PLEKHA5: variants seen among roughly 807,000 people sequenced by gnomAD.
The protein encoded by PLEKHA5 is pleckstrin homology domain-containing family A member 5.
A neutral mutation model predicts 181.9 loss-of-function variants in PLEKHA5; 55 were observed. The observed-to-expected ratio is 0.30, with a 90% CI of 0.24 to 0.38. The LOEUF (loss-of-function observed/expected upper bound fraction) is 0.38, where lower values mean the gene tolerates loss of function less well. Among genes scored for constraint, PLEKHA5 ranks in the 10% least tolerant of loss-of-function variants. The probability of loss-of-function intolerance (pLI) is 1.00; values close to 1 mark genes in which losing one functional copy is unlikely to be tolerated. For synonymous variants in PLEKHA5, 535 were observed against 529.4 expected, an observed-to-expected ratio of 1.01 and a Z score of -0.15; for missense variants, 1,432 against 1,549.5, an observed-to-expected ratio of 0.92 and a Z score of 1.27.
chr12:19,213,567 A>G (rs556300608), intron 3 of PLEKHA5, among the ~76,000 whole-genome samples: 3 of 152,310 alleles, frequency 2.0e-5, no homozygotes, highest in Admixed American at 1.3e-4. Context: ...GTAGGGGAGC[A>G]GAACAGGACA....
At chr12:19,166,407 T>C (rs934507039) in intron 3 of PLEKHA5, among the ~76,000 whole-genome samples, 1 of 152,208 alleles carries the variant, frequency 6.6e-6, no homozygotes, top group African/African-American at 2.4e-5. Context: ...TCGTTATCCC[T>C]GCTTTTGCCT....
Position 19,247,388 on chromosome 12 carries a change from T to TC in PLEKHA5, c.228-6550dup, listed in dbSNP as rs1474334623. 9.2e-5 allele frequency among the ~76,000 whole-genome samples: 14 copies of TC among 152,336 alleles called. 1 individual carries two copies. Among genetic ancestry groups the TC allele is most frequent in the East Asian group, 1.9e-4 (1 of 5,184 alleles). ...TAAAAGTTCAGCATAGCCCAGGTGT[T>TC]CCAGTAGTTACCTACGTAATTCATT... On this transcript the variant is annotated intron_variant, in intron 3 of 31. Coordinates refer to ENST00000429027, the MANE Select transcript of PLEKHA5 (RefSeq NM_001256470.2).
chr12:19,263,680 G>A (rs2069295643), intron 7 of PLEKHA5, among the ~76,000 whole-genome samples: 1 of 152,184 alleles, frequency 6.6e-6, no homozygotes, highest in Non-Finnish European at 1.5e-5. Context: ...CCAGTAAAAT[G>A]TTGAGATTCT....
intron 3 of PLEKHA5, among the ~76,000 whole-genome samples, chr12:19,195,654 G>C (rs1392982292): frequency 7.8e-6 from 1 of 128,280 alleles, no homozygotes; most frequent in East Asian, 2.3e-4. Context: ...GCCTGGGTGA[G>C]AGAGAGAGAC....
rs1431366298 is a variant in PLEKHA5 at position 19,291,654 on chromosome 12, T to A, written c.1994T>A (p.Leu665His). ...ATTGGTGCCTACTAGAATGAAATTCTTTCACATCATCTCCAAAGGAACACC... is the reference window on the plus strand; with the variant it reads ...ATTGGTGCCTACTAGAATGAAATTCATTCACATCATCTCCAAAGGAACACC... ...LEAHSPKNEI[L>H]SHHLQRNTIY... The change falls in exon 15 of 32, where the codon CTT becomes CAT. Residue 665 changes from leucine (L) to histidine (H), a missense_variant. Leu to His is a moderately conservative substitution (Grantham distance 99). This residue lies in a region of PLEKHA5 where 1,143 missense variants were observed against 1,168.4 expected (regional missense o/e 0.98). Coordinates refer to ENST00000429027, the MANE Select transcript of PLEKHA5 (RefSeq NM_001256470.2). 1 of 1,516,712 alleles carries A rather than the reference T, an allele frequency of 6.6e-7. No homozygotes were observed. The highest frequency in any genetic ancestry group is 2.0e-5 in the Admixed American group (1 of 50,658). 94.0% of individuals were successfully genotyped at this position (1,516,712 alleles called of 1,614,324 possible).
intron 3 of PLEKHA5, among the ~76,000 whole-genome samples, chr12:19,245,297 C>A (rs754296158): frequency 7.2e-5 from 11 of 151,992 alleles, no homozygotes; most frequent in Admixed American, 6.5e-5. Flanking sequence ...CCCCTTTTTC[C>A]TTGCTATTAT....
Position 19,173,017 on chromosome 12 carries a change from T to TTTTTTC in PLEKHA5, c.227+40572_227+40573insCTTTTT, listed in dbSNP as rs2046324134. 2.1e-5 allele frequency among the ~76,000 whole-genome samples: 2 copies of TTTTTTC among 96,400 alleles called. 1 individual carries two copies. Among genetic ancestry groups the TTTTTTC allele is most frequent in the Non-Finnish European group, 4.5e-5 (2 of 44,862 alleles). The allele number at this position is 96,400 out of a possible 152,430, so 63.2% of individuals were successfully genotyped here. Reference sequence around the variant, plus strand: ...CTGATTTCCCTTTCTTTTTTTTTTTTTTTTTTTTTTTTTTTTTGAGACGGA... The same window carrying TTTTTTC: ...CTGATTTCCCTTTCTTTTTTTTTTTTTTTTTCTTTTTTTTTTTTTTTTTGAGACGGA... On this transcript the variant is annotated intron_variant, in intron 3 of 31. Coordinates refer to ENST00000429027, the MANE Select transcript of PLEKHA5 (RefSeq NM_001256470.2).
chr12:19,373,590 A>T (rs1364265197), intron 31 of PLEKHA5: 3 of 149,386 alleles, frequency 2.0e-5, no homozygotes, highest in Non-Finnish European at 4.4e-5. Context: ...AATCGCTTGA[A>T]CCCAGAGGCA....
At chr12:19,284,112 A>C (rs916733516) in intron 12 of PLEKHA5, among the ~76,000 whole-genome samples, 3 of 152,150 alleles carry the variant, frequency 2.0e-5, no homozygotes, top group African/African-American at 7.2e-5. Flanking sequence ...TCTGTTGCCC[A>C]GGCTGGAATG....
chr12:19,239,877 T>C (rs1408145914), intron 3 of PLEKHA5, among the ~76,000 whole-genome samples: 4 of 152,222 alleles, frequency 2.6e-5, no homozygotes, highest in Non-Finnish European at 5.9e-5. Flanking sequence ...CCTTTGTATT[T>C]TGTTTATGGT....
intron 3 of PLEKHA5, among the ~76,000 whole-genome samples, chr12:19,178,710 T>G (rs2047870374): frequency 6.6e-6 from 1 of 152,200 alleles, no homozygotes; most frequent in Non-Finnish European, 1.5e-5. Context: ...CTTCATTGCT[T>G]TTATTGTGTC....
chr12:19,250,734 ACAC>A (rs557602718), intron 3 of PLEKHA5, among the ~76,000 whole-genome samples: 321 of 152,274 alleles, frequency 2.1e-3, no homozygotes, highest in African/African-American at 7.4e-3. Flanking sequence ...TTTTTAAGTG[ACAC>A]CTTGTTTCAG....
chr12:19,250,667 T>A (rs1365549244), intron 3 of PLEKHA5, among the ~76,000 whole-genome samples: 1 of 152,198 alleles, frequency 6.6e-6, no homozygotes, highest in Non-Finnish European at 1.5e-5. Flanking sequence ...ATACAAATTT[T>A]TTAAATACTT....
At chr12:19,247,751 T>C (rs1048089874) in intron 3 of PLEKHA5, among the ~76,000 whole-genome samples, 1 of 151,558 alleles carries the variant, frequency 6.6e-6, no homozygotes, top group Admixed American at 6.6e-5. Flanking sequence ...ATCTTTTCTT[T>C]TTTTAAAAAA....
chr12:19,362,529 A>C (rs1271015342), intron 29 of PLEKHA5, among the ~76,000 whole-genome samples: 2 of 151,922 alleles, frequency 1.3e-5, no homozygotes, highest in Non-Finnish European at 2.9e-5. Flanking sequence ...GTGAGACTCC[A>C]TCTCAAAAGA....
chr12:19,195,389 G>A (rs201931600), intron 3 of PLEKHA5, among the ~76,000 whole-genome samples: 25 of 67,552 alleles, frequency 3.7e-4, no homozygotes, highest in African/African-American at 1.1e-3. Flanking sequence ...TATAAAGTAC[G>A]GGTGAGTGAT....
intron 15 of PLEKHA5, chr12:19,306,805 C>G (rs745784205): frequency 8.4e-6 from 7 of 836,972 alleles, no homozygotes; most frequent in Non-Finnish European, 1.5e-5. Context: ...GCAGTTGTCG[C>G]ACCATGTCTG....
In PLEKHA5 at chr12:19,216,670, A is replaced by G. The variant is rs369322469; in HGVS notation, c.228-37270A>G. 3.9e-5 allele frequency among the ~76,000 whole-genome samples: 6 copies of G among 152,048 alleles called. No individual in the cohort carries two copies. In the East Asian group the frequency reaches 9.6e-4, roughly 24 times the overall value. Reference sequence around the variant, plus strand: ...AGAGCGAGAATCCATCTCAAAAAAAAAAAAAAAAGTTCTGTTAAGGGCAGA... The same window carrying G: ...AGAGCGAGAATCCATCTCAAAAAAAGAAAAAAAAGTTCTGTTAAGGGCAGA... On this transcript the variant is annotated intron_variant, in intron 3 of 31. Transcript: ENST00000429027.
chr12:19,277,097 C>A (rs2074763488), intron 11 of PLEKHA5, among the ~76,000 whole-genome samples: 1 of 151,918 alleles, frequency 6.6e-6, no homozygotes, highest in South Asian at 2.1e-4. Context: ...ATATTACTAG[C>A]AGGAAAATAA....
Sources: allele counts gnomAD v4.1 joint callset (sites outside exome capture counted in the v4.1 genomes callset), GRCh38; gene constraint gnomAD v4.1.1; regional missense constraint gnomAD v4.1.1; transcripts MANE v1.5; gene names NCBI Gene and HGNC (gene_info 2026-07-23, HGNC 2026-07-21).